N4BP2L2: variants seen among roughly 807,000 people sequenced by gnomAD.
N4BP2L2 encodes the protein NEDD4 binding protein 2 like 2, also known as NEDD4-binding protein 2-like 2.
N4BP2L2 carries 50 observed loss-of-function variants against 56.2 expected under a neutral mutation model. That is an observed-to-expected ratio of 0.89 (90% CI 0.71 to 1.13). The LOEUF (loss-of-function observed/expected upper bound fraction) is 1.13. N4BP2L2 is among the 50% of genes most tolerant of loss of function. N4BP2L2 has a pLI of 0.00. For synonymous variants in N4BP2L2, 203 were observed against 223.6 expected (o/e 0.91, Z 0.82); for missense variants, 689 against 693.8 (o/e 0.99, Z 0.08).
At chr13:32,433,140 G>A (rs987040539) in intron 9 of N4BP2L2, among the ~76,000 whole-genome samples, 1 of 152,226 alleles carries the variant, frequency 6.6e-6, no homozygotes, top group East Asian at 1.9e-4. Flanking sequence ...TCAAGAGCCT[G>A]TTCCCTGACA....
chr13:32,493,564 G>A (rs1383407327), intron 6 of N4BP2L2, among the ~76,000 whole-genome samples: 1 of 152,100 alleles, frequency 6.6e-6, no homozygotes, highest in Non-Finnish European at 1.5e-5. Flanking sequence ...ACTGTGAGTT[G>A]GATGAGTCCC....
chr13:32,459,467 T>C (rs1292131999), intron 6 of N4BP2L2, among the ~76,000 whole-genome samples: 1 of 151,162 alleles, frequency 6.6e-6, no homozygotes, highest in Admixed American at 6.6e-5. Flanking sequence ...CCACCAGAAA[T>C]ACAAAAGATC....
intron 8 of N4BP2L2, among the ~76,000 whole-genome samples, chr13:32,436,919 C>T (rs1223191418): frequency 2.7e-5 from 4 of 149,704 alleles, no homozygotes; most frequent in East Asian, 2.0e-4. Flanking sequence ...TTTGCTCTGT[C>T]GCCCAGGATG....
chr13:32,440,685 A>G (rs1039395640), intron 7 of N4BP2L2, among the ~76,000 whole-genome samples: 1 of 151,758 alleles, frequency 6.6e-6, no homozygotes, highest in African/African-American at 2.4e-5. Flanking sequence ...CTGGTCTCGA[A>G]CTCCTCACCT....
chr13:32,521,741 T>C (rs1412910299), intron 4 of N4BP2L2: 3 of 293,050 alleles, frequency 1.0e-5, no homozygotes, highest in African/African-American at 4.5e-5. Context: ...TTTGGGAGGC[T>C]GAGCACGGCA....
At chr13:32,498,187 T>C (rs1298841825) in intron 6 of N4BP2L2, among the ~76,000 whole-genome samples, 5 of 152,184 alleles carry the variant, frequency 3.3e-5, no homozygotes, top group Non-Finnish European at 5.9e-5. Context: ...GGTTTCACTA[T>C]GTTGGCCAAG....
At chr13:32,517,875 G>T in exon 6 of N4BP2L2, 5 of 1,614,110 alleles carry the variant, frequency 3.1e-6, no homozygotes, top group Non-Finnish European at 4.2e-6. Flanking sequence ...CCCCTGTGGA[G>T]GAGGAGGTCT....
In N4BP2L2 at chr13:32,536,637, G is replaced by A. The variant is rs371937416; in HGVS notation, c.391C>T (p.Pro131Ser). ...CCTTCATTACGTTTCTTTTTCTCAG[G>A]GGGTTTGTAAATGGGTCCTATAAAT... The change falls in exon 2 of 6, where the codon CCT becomes TCT. Residue 131 changes from proline to serine, a missense_variant. Pro to Ser is a moderately conservative substitution (Grantham distance 74). Coordinates refer to ENST00000267068, the Ensembl canonical transcript of N4BP2L2. The A allele has an allele frequency of 1.1e-5, 18 of 1,613,622 alleles. No individual in the cohort carries two copies. The South Asian group carries it at 1.2e-4, about 11-fold the overall frequency.
At chr13:32,495,754 G>C (rs2088442361) in intron 6 of N4BP2L2, among the ~76,000 whole-genome samples, 7 of 152,076 alleles carry the variant, frequency 4.6e-5, no homozygotes, top group Admixed American at 4.6e-4. Context: ...CGTGATCCCA[G>C]CTCATTGCAA....
intron 6 of N4BP2L2, among the ~76,000 whole-genome samples, chr13:32,471,897 T>C (rs368426722): frequency 8.5e-5 from 13 of 152,350 alleles, no homozygotes; most frequent in African/African-American, 2.9e-4. Flanking sequence ...TGACACTGGG[T>C]GTGACAGCAC....
chr13:32,464,051 T>C (rs2080771735), intron 6 of N4BP2L2, among the ~76,000 whole-genome samples: 1 of 150,248 alleles, frequency 6.7e-6, no homozygotes, highest in Non-Finnish European at 1.5e-5. Flanking sequence ...CAAAGGAAAC[T>C]ACATAGGTAA....
intron 6 of N4BP2L2, among the ~76,000 whole-genome samples, chr13:32,475,546 G>A (rs1049822253): frequency 6.6e-6 from 1 of 152,140 alleles, no homozygotes; most frequent in Non-Finnish European, 1.5e-5. Context: ...GGGAAGGCTG[G>A]TTACCCCACC....
chr13:32,439,605 T>A (rs904211046), intron 7 of N4BP2L2, among the ~76,000 whole-genome samples: 1 of 152,202 alleles, frequency 6.6e-6, no homozygotes, highest in Non-Finnish European at 1.5e-5. Flanking sequence ...GACCTTGGAC[T>A]ACGATCTCAG....
intron 9 of N4BP2L2, among the ~76,000 whole-genome samples, chr13:32,435,020 G>A (rs1032600581): frequency 5.3e-5 from 8 of 152,094 alleles, no homozygotes; most frequent in African/African-American, 1.7e-4. Context: ...CATGCTGCTT[G>A]TACTGGTGTC....
At chr13:32,536,285 C>G in exon 2 of N4BP2L2, 1 of 1,613,468 alleles carries the variant, frequency 6.2e-7, no homozygotes, top group Non-Finnish European at 8.5e-7. Flanking sequence ...TTGTCCATTA[C>G]AGGGATATTT....
At chr13:32,444,735 T>C (rs2076784996) in intron 6 of N4BP2L2, among the ~76,000 whole-genome samples, 2 of 152,216 alleles carry the variant, frequency 1.3e-5, no homozygotes, top group Non-Finnish European at 2.9e-5. Flanking sequence ...TATATAAGCA[T>C]GTATTAACAA....
chr13:32,500,262 G>C (rs758502517), intron 6 of N4BP2L2, among the ~76,000 whole-genome samples: 33 of 152,142 alleles, frequency 2.2e-4, no homozygotes. Flanking sequence ...CATCTTGCTT[G>C]AACAATTATT....
At chr13:32,519,168 G>T (rs2050073678) in intron 5 of N4BP2L2, among the ~76,000 whole-genome samples, 1 of 151,744 alleles carries the variant, frequency 6.6e-6, no homozygotes, top group South Asian at 2.1e-4. Flanking sequence ...GCTGGGTGCA[G>T]TGCTGAGGCC....
intron 6 of N4BP2L2, among the ~76,000 whole-genome samples, chr13:32,486,441 T>G (rs1299739212): frequency 6.8e-6 from 1 of 147,992 alleles, no homozygotes; most frequent in African/African-American, 2.5e-5. Flanking sequence ...TTTAGGAGGG[T>G]GAGGCGGGTG....
Sources: allele counts gnomAD v4.1 joint callset (sites outside exome capture counted in the v4.1 genomes callset), GRCh38; gene constraint gnomAD v4.1.1; transcripts MANE v1.5; gene names NCBI Gene and HGNC (gene_info 2026-07-23, HGNC 2026-07-21).